CHRM2: variants seen among roughly 807,000 people sequenced by gnomAD.
The protein encoded by CHRM2 is muscarinic acetylcholine receptor M2.
A neutral mutation model predicts 25.0 loss-of-function variants in CHRM2; 8 were observed. The observed-to-expected ratio is 0.32, with a 90% confidence interval of 0.19 to 0.58. The LOEUF (loss-of-function observed/expected upper bound fraction) is 0.58. Ranked by LOEUF, CHRM2 falls within the 20% of genes least tolerant of loss-of-function variation. The pLI, the probability that CHRM2 is intolerant of heterozygous loss-of-function variation, is 0.88. For synonymous variants in CHRM2, 202 were observed against 205.7 expected, an observed-to-expected ratio of 0.98 and a Z score of 0.15; for missense variants, 440 against 567.1, an observed-to-expected ratio of 0.78 and a Z score of 2.28.
At chr7:136,923,405 C>T (rs957110510) in intron 2 of CHRM2, among the ~76,000 whole-genome samples, 14 of 152,192 alleles carry the variant, frequency 9.2e-5, no homozygotes, top group African/African-American at 3.1e-4. Context: ...GCTCTGTCTA[C>T]ACAAACGGAT....
chr7:136,956,139 A>G (rs988890853), intron 2 of CHRM2, among the ~76,000 whole-genome samples: 3 of 152,202 alleles, frequency 2.0e-5, no homozygotes, highest in Non-Finnish European at 4.4e-5. Flanking sequence ...ATTACAACAT[A>G]GAGAATAAAA....
intron 2 of CHRM2, among the ~76,000 whole-genome samples, chr7:136,922,867 T>G (rs1798527195): frequency 6.6e-6 from 1 of 152,230 alleles, no homozygotes; most frequent in South Asian, 2.1e-4. Context: ...TCATTTTGGG[T>G]TTTTTCTAAG....
intron 2 of CHRM2, among the ~76,000 whole-genome samples, chr7:136,892,706 G>GTTTTTTTTTT: frequency 7.2e-6 from 1 of 138,604 alleles, no homozygotes; most frequent in Non-Finnish European, 1.5e-5. Flanking sequence ...GTCTTGCTCT[G>GTTTTTTTTTT]TTGCCCAAGC....
At chr7:136,918,672 CCT>C (rs1798256282) in intron 2 of CHRM2, among the ~76,000 whole-genome samples, 1 of 152,024 alleles carries the variant, frequency 6.6e-6, no homozygotes, top group African/African-American at 2.4e-5. Context: ...GTGATCCTCC[CCT>C]GTTAGCTTCC....
intron 3 of CHRM2, among the ~76,000 whole-genome samples, chr7:137,001,754 C>G (rs1406716951): frequency 6.6e-6 from 1 of 152,088 alleles, no homozygotes; most frequent in Non-Finnish European, 1.5e-5. Context: ...GGTTACGACC[C>G]CTGAATTCTA....
chr7:136,932,817 G>A (rs576798526), intron 2 of CHRM2, among the ~76,000 whole-genome samples: 1 of 152,226 alleles, frequency 6.6e-6, no homozygotes, highest in South Asian at 2.1e-4. Flanking sequence ...ATCACTTGAG[G>A]TCAGGAGTTC....
rs183648692 is a variant in CHRM2, at chr7:136,878,119, C to T, written c.-125+8701C>T. The stretch of plus-strand genomic sequence containing the variant: ...ACAAAGGGAAGAGCTTCTACCATAA[C>T]CAGCATGAAAATAGAAAGTGATAAG... On this transcript the variant is annotated intron_variant, in intron 2 of 3. Coordinates refer to ENST00000680005, the MANE Select transcript of CHRM2 (RefSeq NM_001006630.2). Among the ~76,000 whole-genome samples, 670 of 152,090 alleles carry T rather than the reference C, an allele frequency of 4.4e-3. 18 individuals carry two copies. Among genetic ancestry groups the T allele is most frequent in the Admixed American group, 0.037 (563 of 15,274 alleles).
intron 2 of CHRM2, among the ~76,000 whole-genome samples, chr7:136,952,764 C>T (rs182703139): frequency 5.1e-4 from 78 of 152,204 alleles, no homozygotes; most frequent in African/African-American, 1.7e-3. Context: ...GTTGCTCCCT[C>T]TATGTGTTCA....
Position 137,015,781 on chromosome 7 carries a change from A to C in CHRM2, c.916A>C (p.Asn306His), listed in dbSNP as rs1469394554. ...AGATGATGAAATAACCCAGGATGAAAACACAGTTTCCACTTCCCTGGGCCA... is the reference window on the plus strand; with the variant it reads ...AGATGATGAAATAACCCAGGATGAACACACAGTTTCCACTTCCCTGGGCCA... The part of the protein sequence containing the change: ...MRDDEITQDE[N>H]TVSTSLGHSK... Residue 306 changes from asparagine (N) to histidine (H), a missense_variant, in exon 4 of 4, where the codon AAC becomes CAC. By Grantham distance (68) the Asn-to-His change is moderately conservative (BLOSUM62 1). Around this residue, in one of 5 missense-constraint regions of CHRM2, gnomAD observed 261 missense variants for 261.8 expected, o/e 1.00. Coordinates refer to ENST00000680005, the MANE Select transcript of CHRM2 (RefSeq NM_001006630.2). This position sits in a 1 kb window ranked among gnomAD's most constrained non-coding sequence, Gnocchi z 5.1. The C allele has an allele frequency of 1.1e-5, 18 of 1,612,912 alleles. No homozygotes were observed. The Admixed American group carries it at 2.7e-4, about 24-fold the overall frequency.
chr7:136,923,694 GTTT>G (rs1415826054), intron 2 of CHRM2, among the ~76,000 whole-genome samples: 2 of 151,920 alleles, frequency 1.3e-5, no homozygotes, highest in African/African-American at 2.4e-5. Flanking sequence ...CCTTTTTTAT[GTTT>G]TTATTTTAAA....
At chr7:136,989,237 G>C (rs1803058968) in intron 2 of CHRM2, among the ~76,000 whole-genome samples, 1 of 151,930 alleles carries the variant, frequency 6.6e-6, no homozygotes. Flanking sequence ...TGTTTTTATA[G>C]TTTTAACTTT....
intron 3 of CHRM2, among the ~76,000 whole-genome samples, chr7:136,995,691 A>G (rs193176079): frequency 6.6e-6 from 1 of 152,126 alleles, no homozygotes; most frequent in Non-Finnish European, 1.5e-5. Flanking sequence ...ATGGTCCTGG[A>G]AGGCAGAGGT....
intron 2 of CHRM2, among the ~76,000 whole-genome samples, chr7:136,912,488 C>T (rs1266918023): frequency 1.3e-5 from 2 of 151,886 alleles, no homozygotes; most frequent in Non-Finnish European, 2.9e-5. Flanking sequence ...TGCCCTCTTC[C>T]TGTCCTTTCA....
intron 2 of CHRM2, among the ~76,000 whole-genome samples, chr7:136,933,808 A>C (rs1311191160): frequency 6.6e-6 from 1 of 152,198 alleles, no homozygotes; most frequent in Non-Finnish European, 1.5e-5. Flanking sequence ...GAAGTCCATC[A>C]CAAAGGACAA....
At chr7:136,965,982 C>T (rs1191429617) in intron 2 of CHRM2, among the ~76,000 whole-genome samples, 1 of 151,904 alleles carries the variant, frequency 6.6e-6, no homozygotes, top group African/African-American at 2.4e-5. Flanking sequence ...TAGAGCTCTT[C>T]CCTTTAGAAT....
intron 2 of CHRM2, among the ~76,000 whole-genome samples, chr7:136,924,061 A>C (rs1259151519): frequency 6.6e-6 from 1 of 152,174 alleles, no homozygotes; most frequent in Non-Finnish European, 1.5e-5. Context: ...AAATGAGATA[A>C]ACTGCACTTT....
intron 2 of CHRM2, among the ~76,000 whole-genome samples, chr7:136,949,921 C>A (rs1800303687): frequency 6.6e-6 from 1 of 152,014 alleles, no homozygotes; most frequent in Non-Finnish European, 1.5e-5. Context: ...AACTATTCAC[C>A]TTCATGAGAT....
In CHRM2 at chr7:136,973,646, T is replaced by C. The variant is rs1227144188; in HGVS notation, c.-124-18541T>C. On this transcript the variant is annotated intron_variant, in intron 2 of 3. Transcript: ENST00000680005. ...TGGTAGGTGATGACGGTGACGGTGTTAGGGATGGTGGTAGGTGATGATGGT... is the reference window on the plus strand; with the variant it reads ...TGGTAGGTGATGACGGTGACGGTGTCAGGGATGGTGGTAGGTGATGATGGT... 2.1e-4 allele frequency among the ~76,000 whole-genome samples: 5 copies of C among 24,238 alleles called. No individual in the cohort carries two copies. The East Asian group carries it at 2.9e-3, about 14-fold the overall frequency. 15.9% of individuals were successfully genotyped at this position (24,238 alleles called of 152,430 possible).
chr7:136,871,013 G>A (rs1795808346), intron 2 of CHRM2: 1 of 152,656 alleles, frequency 6.6e-6, no homozygotes, highest in Non-Finnish European at 1.5e-5. Context: ...CACGCAGCCA[G>A]CGACACAAGC....
Sources: gnomAD v4.1 joint callset for allele counts (sites outside exome capture counted in the v4.1 genomes callset) on GRCh38, gnomAD v4.1.1 for gene constraint, gnomAD v4.1.1 regional missense constraint, Gnocchi (gnomAD v3.1) non-coding constraint, MANE v1.5 for transcripts, NCBI Gene and HGNC (gene_info 2026-07-23, HGNC 2026-07-21) for gene names.